The following C5orf47 variants were observed in gnomAD, a reference collection of about 807,000 sequenced individuals.
C5orf47 encodes uncharacterized protein C5orf47.
C5orf47 carries 20 observed loss-of-function variants against 20.6 expected under a neutral mutation model. That is an observed-to-expected ratio of 0.97 (90% CI 0.68 to 1.41). The LOEUF (loss-of-function observed/expected upper bound fraction) is 1.41. Ranked by LOEUF, C5orf47 falls within the 40% of genes most tolerant of loss-of-function variation. The probability of loss-of-function intolerance (pLI) is 0.00; values close to 1 mark genes in which losing one functional copy is unlikely to be tolerated. For synonymous variants in C5orf47, 106 were observed against 97.3 expected (o/e 1.09, Z -0.53); for missense variants, 262 against 238.4 (o/e 1.10, Z -0.65).
chr5:174,002,793 A>G (rs1196242294), intron 4 of C5orf47, among the ~76,000 whole-genome samples: 4 of 152,106 alleles, frequency 2.6e-5, no homozygotes, highest in Non-Finnish European at 5.9e-5. Flanking sequence ...TTGGTACTAG[A>G]TATACAGTTC....
intron 1 of C5orf47, 115 bp from the exon 2 acceptor site, chr5:173,998,038 T>C (rs1319312387): frequency 7.7e-6 from 5 of 653,222 alleles, no homozygotes; most frequent in East Asian, 2.9e-5. Flanking sequence ...ATCAGAAATA[T>C]ACCAACAAGT....
chr5:174,000,641 G>A (rs1226537528), intron 3 of C5orf47, among the ~76,000 whole-genome samples: 2 of 152,078 alleles, frequency 1.3e-5, no homozygotes, highest in Non-Finnish European at 2.9e-5. Context: ...AGATAATCAT[G>A]AAAACAGAAT....
At position 174,002,849 on chromosome 5, in the gene C5orf47, T is replaced by C. The variant is rs531626326; in HGVS notation, c.*17-1422T>C. Reference sequence around the variant, plus strand: ...GCTGTTGTGTCTGTTTGGTCTTCCTTAATCTGTAGCAGTTTGTCAGGCTTT... The same window carrying C: ...GCTGTTGTGTCTGTTTGGTCTTCCTCAATCTGTAGCAGTTTGTCAGGCTTT... On this transcript the variant is annotated intron_variant, in intron 4 of 4. Coordinates refer to ENST00000340147, the MANE Select transcript of C5orf47 (RefSeq NM_001144954.2). 2.0e-4 allele frequency among the ~76,000 whole-genome samples: 30 copies of C among 152,352 alleles called. No homozygotes were observed. In the South Asian group the frequency reaches 5.8e-3, roughly 29 times the overall value.
At chr5:173,992,271 G>C (rs1169241095) in intron 1 of C5orf47, among the ~76,000 whole-genome samples, 1 of 146,606 alleles carries the variant, frequency 6.8e-6, no homozygotes, top group Non-Finnish European at 1.5e-5. Flanking sequence ...ATTTGGGCCC[G>C]ATACAGTGCC....
intron 2 of C5orf47, among the ~76,000 whole-genome samples, chr5:173,998,800 G>A (rs549061203): frequency 8.5e-5 from 13 of 152,232 alleles, no homozygotes; most frequent in South Asian, 4.1e-4. Flanking sequence ...TCACAGCATC[G>A]TTTATATTCA....
intron 1 of C5orf47, 96 bp from the exon 2 acceptor site, chr5:173,998,057 C>A: frequency 1.4e-6 from 1 of 710,566 alleles, no homozygotes; most frequent in Non-Finnish European, 2.4e-6. Context: ...GTATAAAAAT[C>A]CCCAAGGAGA....
intron 1 of C5orf47, 106 bp downstream of exon 1, chr5:173,989,694 C>A (rs1758949590): frequency 9.5e-7 from 1 of 1,048,420 alleles, no homozygotes; most frequent in Non-Finnish European, 1.3e-6. Context: ...CTGGGGGCAG[C>A]TTTCCTGTCA....
At chr5:174,007,201 A>G (rs1759306096), downstream of C5orf47, among the ~76,000 whole-genome samples, 1 of 152,146 alleles carries the variant, frequency 6.6e-6, no homozygotes, top group Non-Finnish European at 1.5e-5. Flanking sequence ...ACAACGAGGA[A>G]GGACAAGTAG....
At chr5:173,994,729 G>A (rs1025134855) in intron 1 of C5orf47, among the ~76,000 whole-genome samples, 1 of 152,186 alleles carries the variant, frequency 6.6e-6, no homozygotes, top group Non-Finnish European at 1.5e-5. Context: ...AAGGGAAGGG[G>A]GTCCTGGGGT....
downstream of C5orf47, among the ~76,000 whole-genome samples, chr5:174,008,798 A>C (rs1485536828): frequency 6.8e-6 from 1 of 146,522 alleles, no homozygotes; most frequent in Non-Finnish European, 1.5e-5. Flanking sequence ...GCGCCACTGC[A>C]CTCTAGCCTG....
chr5:173,998,106 T>C, intron 1 of C5orf47, 47 bp from the exon 2 acceptor site: 2 of 1,107,790 alleles, frequency 1.8e-6, no homozygotes, highest in East Asian at 2.6e-5. Context: ...TTTCAGATAG[T>C]AAATCCTTAT....
Position 174,006,118 on chromosome 5 carries a change from T to A in C5orf47, c.*1864T>A, listed in dbSNP as rs1309859635. ...GTAGGGGCTAATGACCCACCCCTGC[T>A]ACATTAAAGACTTCAGACTGCATTG... On this transcript the variant is annotated 3_prime_UTR_variant, in exon 5 of 5. Coordinates refer to ENST00000340147, the MANE Select transcript of C5orf47 (RefSeq NM_001144954.2). 6.6e-6 allele frequency: 1 copy of A among 152,376 alleles called. No homozygotes were observed. Among genetic ancestry groups the A allele is most frequent in the African/African-American group, 2.4e-5 (1 of 41,472 alleles). The allele number at this position is 152,376 out of a possible 1,614,324, so 9.4% of individuals were successfully genotyped here. A position where few individuals can be genotyped will look rare whatever the true frequency, so the allele number is the denominator to read the frequency against.
chr5:173,992,384 G>A (rs1759014766), intron 1 of C5orf47, among the ~76,000 whole-genome samples: 1 of 151,720 alleles, frequency 6.6e-6, no homozygotes, highest in African/African-American at 2.4e-5. Flanking sequence ...TCAGCCTGGA[G>A]AGACAGAGTG....
intron 1 of C5orf47, among the ~76,000 whole-genome samples, chr5:173,997,023 C>A (rs1759110984): frequency 1.3e-5 from 2 of 152,104 alleles, no homozygotes; most frequent in East Asian, 3.9e-4. Flanking sequence ...TTGCAAAATG[C>A]CATTTTAGAG....
downstream of C5orf47, among the ~76,000 whole-genome samples, chr5:174,008,987 A>G (rs1323889400): frequency 2.0e-5 from 3 of 152,202 alleles, no homozygotes; most frequent in Non-Finnish European, 4.4e-5. Context: ...GAGTACTAGC[A>G]GTAGACTATC....
intron 1 of C5orf47, 54 bp downstream of exon 1, chr5:173,989,642 G>A: frequency 7.6e-7 from 1 of 1,315,564 alleles, no homozygotes; most frequent in Non-Finnish European, 9.7e-7. Flanking sequence ...ACGGGGCGGA[G>A]CGGGCTCAGC....
intron 4 of C5orf47, 64 bp downstream of exon 4, chr5:174,001,295 C>T (rs1759192572): frequency 1.1e-6 from 1 of 887,450 alleles, no homozygotes; most frequent in South Asian, 1.6e-5. Flanking sequence ...TCTGTATCCT[C>T]CCTTCTCCAA....
At chr5:173,996,471 C>G (rs1388938581) in intron 1 of C5orf47, among the ~76,000 whole-genome samples, 1 of 152,026 alleles carries the variant, frequency 6.6e-6, no homozygotes, top group Non-Finnish European at 1.5e-5. Flanking sequence ...GTAAGACTTA[C>G]AAACAAGAAA....
chr5:173,995,637 G>A (rs1410916542), intron 1 of C5orf47, among the ~76,000 whole-genome samples: 5 of 152,202 alleles, frequency 3.3e-5, no homozygotes, highest in South Asian at 2.1e-4. Context: ...CACAGTGTTC[G>A]GCATAGAATA....
Sources: allele counts gnomAD v4.1 joint callset (sites outside exome capture counted in the v4.1 genomes callset), GRCh38; gene constraint gnomAD v4.1.1; transcripts MANE v1.5; gene names NCBI Gene and HGNC (gene_info 2026-07-23, HGNC 2026-07-21).